Variants in MOV10L1 observed in about 807,000 individuals in gnomAD.
MOV10L1 encodes the protein Mov10 like RNA helicase 1, also known as RNA helicase Mov10l1.
MOV10L1 carries 110 observed loss-of-function variants against 143.8 expected under a neutral mutation model. The observed-to-expected ratio is 0.76, with a 90% CI of 0.66 to 0.90. MOV10L1 has a LOEUF of 0.90. MOV10L1 is among the 40% of genes least tolerant of loss of function. The pLI, the probability that MOV10L1 is intolerant of heterozygous loss-of-function variation, is 0.00. For missense variants in MOV10L1, 1,406 were observed against 1,526.8 expected, an observed-to-expected ratio of 0.92 and a Z score of 1.32; for synonymous variants, 593 against 581.1, an observed-to-expected ratio of 1.02 and a Z score of -0.29.
intron 13 of MOV10L1, among the ~76,000 whole-genome samples, chr22:50,133,113 C>T (rs1008684247): frequency 1.3e-5 from 2 of 151,748 alleles, no homozygotes; most frequent in Admixed American, 6.6e-5. Flanking sequence ...TGCCTTCCTG[C>T]GCTGGTTGGA....
Position 50,161,426 on chromosome 22 carries a change from G to A in MOV10L1, c.3613G>A (p.Glu1205Lys), listed in dbSNP as rs1422719233. The A allele has an allele frequency of 6.3e-7, 1 of 1,598,588 alleles. No homozygotes were observed. Among genetic ancestry groups the A allele is most frequent in the Non-Finnish European group, 8.5e-7 (1 of 1,172,710 alleles). The change falls in exon 27 of 27, where the codon GAG becomes AAG. Residue 1205 changes from glutamate to lysine, a missense_variant. Coordinates refer to ENST00000262794, the MANE Select transcript of MOV10L1 (RefSeq NM_018995.3). ...YPVVPESTGP[E>K]KHQEPS is the part of the protein sequence containing the mutation. ...AGTGGTGCCAGAATCCACAGGACCA[G>A]AGAAGCATCAGGAGCCCAGCTGATC...
In MOV10L1 at chr22:50,144,849, G is replaced by A. The variant is rs549645487; in HGVS notation, c.2505+606G>A. On this transcript the variant is annotated intron_variant, in intron 18 of 26. Transcript: ENST00000262794. Reference sequence around the variant, plus strand: ...GCCCGCCTCGGCCTCCCAAAGTGCTGGGATTACAGGCGTGAGCCACCGTGC... The same window carrying A: ...GCCCGCCTCGGCCTCCCAAAGTGCTAGGATTACAGGCGTGAGCCACCGTGC... Among the ~76,000 whole-genome samples, 289 of 152,266 alleles carry A rather than the reference G, an allele frequency of 1.9e-3. 1 individual carries two copies. Among genetic ancestry groups the A allele is most frequent in the African/African-American group, 6.5e-3 (272 of 41,540 alleles).
chr22:50,107,820 G>A (rs898185109), intron 3 of MOV10L1, among the ~76,000 whole-genome samples: 3 of 152,314 alleles, frequency 2.0e-5, no homozygotes, highest in South Asian at 2.1e-4. Flanking sequence ...CACAAACACT[G>A]CAGGACGGGG....
At position 50,153,208 on chromosome 22, in the gene MOV10L1, A is replaced by G. The variant is rs1474680297; in HGVS notation, c.3056A>G (p.His1019Arg). The G allele has an allele frequency of 2.5e-6, 4 of 1,613,476 alleles. No homozygotes were observed. Among genetic ancestry groups the G allele is most frequent in the Non-Finnish European group, 2.5e-6 (3 of 1,179,652 alleles). ...LPKKGFPLIF[H>R]GVRGSEAREG... ...AAGAAAGGCTTCCCTCTCATCTTCC[A>G]TGGTGTGCGGGTGAGTTGTGTCTTG... Residue 1019 changes from histidine to arginine, a missense_variant, in exon 22 of 27, where the codon CAT becomes CGT. Physicochemically the swap from His to Arg is conservative, Grantham distance 29. This residue lies in a region of MOV10L1 where 1,233 missense variants were observed against 1,351.4 expected (regional missense o/e 0.91). Coordinates refer to ENST00000262794, the MANE Select transcript of MOV10L1 (RefSeq NM_018995.3).
intron 15 of MOV10L1, among the ~76,000 whole-genome samples, chr22:50,140,565 A>T (rs957505006): frequency 1.5e-4 from 23 of 152,154 alleles, no homozygotes; most frequent in Non-Finnish European, 8.8e-5. Flanking sequence ...AGCTGAAAAA[A>T]ATATGTATCA....
At chr22:50,131,228 C>CT (rs750480277) in intron 13 of MOV10L1, among the ~76,000 whole-genome samples, 6 of 152,222 alleles carry the variant, frequency 3.9e-5, no homozygotes, top group Middle Eastern at 3.4e-3. Context: ...TTTTTATGTG[C>CT]TTTTTTGCCA....
intron 2 of MOV10L1, among the ~76,000 whole-genome samples, chr22:50,098,474 A>T (rs772448769): frequency 3.9e-5 from 6 of 152,198 alleles, no homozygotes; most frequent in Admixed American, 6.5e-5. Context: ...TATTAACCTA[A>T]CAGTGCTGTT....
At chr22:50,150,189 A>C in intron 20 of MOV10L1, among the ~76,000 whole-genome samples, 1 of 152,210 alleles carries the variant, frequency 6.6e-6, no homozygotes, top group Non-Finnish European at 1.5e-5. Context: ...TGGCTCATCC[A>C]GGCGAGCTCA....
intron 15 of MOV10L1, among the ~76,000 whole-genome samples, chr22:50,140,926 A>G (rs1569029384): frequency 6.6e-6 from 1 of 152,170 alleles, no homozygotes. Flanking sequence ...AATCTATCCT[A>G]TGAAAATAAT....
intron 3 of MOV10L1, among the ~76,000 whole-genome samples, chr22:50,107,205 G>T (rs149015425): frequency 0.032 from 4,882 of 151,618 alleles, 116 homozygotes; most frequent in Non-Finnish European, 0.05. Context: ...CTCCCGAGTA[G>T]CTGGGACTAC....
At chr22:50,129,233 C>T (rs1459243586) in intron 13 of MOV10L1, among the ~76,000 whole-genome samples, 3 of 152,148 alleles carry the variant, frequency 2.0e-5, no homozygotes, top group African/African-American at 7.2e-5. Flanking sequence ...CTCACTGTCA[C>T]CGTCAGCTAC....
At chr22:50,126,834 A>G (rs1305193248) in intron 12 of MOV10L1, among the ~76,000 whole-genome samples, 1 of 152,226 alleles carries the variant, frequency 6.6e-6, no homozygotes, top group Admixed American at 6.5e-5. Context: ...GGAGAATGCC[A>G]GAGCCTTTAC....
rs751024379 is a variant in MOV10L1, at chr22:50,159,665, A to C, written c.3217-13A>C. 1 of 1,531,386 alleles carries C rather than the reference A, an allele frequency of 6.5e-7. No homozygotes were observed. Among genetic ancestry groups the C allele is most frequent in the Non-Finnish European group, 9.0e-7 (1 of 1,110,986 alleles). 94.9% of individuals were successfully genotyped at this position (1,531,386 alleles called of 1,614,324 possible). A position where few individuals can be genotyped will look rare whatever the true frequency, so the allele number is the denominator to read the frequency against. On this transcript the variant is annotated splice_polypyrimidine_tract_variant and intron_variant, in intron 23 of 26. Coordinates refer to ENST00000262794, the MANE Select transcript of MOV10L1 (RefSeq NM_018995.3). This position sits in a 1 kb window ranked among gnomAD's most constrained non-coding sequence, Gnocchi z 4.1. ...AGTGTTATCTTTAGTCTTTCTTTTA[A>C]TCTGTTCTCAAGGTGGAGAAAATCA... is the stretch of plus-strand genomic sequence containing the variant.
intron 15 of MOV10L1, among the ~76,000 whole-genome samples, chr22:50,136,776 C>T (rs1418994428): frequency 6.6e-6 from 1 of 152,148 alleles, no homozygotes; most frequent in East Asian, 1.9e-4. Flanking sequence ...TTCAGCTGAG[C>T]ATTGATCAGT....
intron 13 of MOV10L1, among the ~76,000 whole-genome samples, chr22:50,129,179 T>C (rs13053657): frequency 0.22 from 34,156 of 151,914 alleles, 4,152 homozygotes; most frequent in Admixed American, 0.35. Context: ...TTTGCATGTG[T>C]ATTCTTTCCC....
intron 3 of MOV10L1, among the ~76,000 whole-genome samples, chr22:50,101,426 A>G (rs1283758736): frequency 1.3e-5 from 2 of 151,770 alleles, no homozygotes; most frequent in Non-Finnish European, 2.9e-5. Context: ...TGTGTTAGCC[A>G]GGATGGTCTC....
At chr22:50,151,510 C>T (rs1217153395) in intron 21 of MOV10L1, among the ~76,000 whole-genome samples, 1 of 152,224 alleles carries the variant, frequency 6.6e-6, no homozygotes, top group Non-Finnish European at 1.5e-5. Context: ...TCTTGGTTGT[C>T]AAGGGTAGGG....
chr22:50,141,839 C>T (rs80027789), intron 15 of MOV10L1, among the ~76,000 whole-genome samples: 3 of 152,128 alleles, frequency 2.0e-5, no homozygotes, highest in Admixed American at 2.0e-4. Flanking sequence ...TTGGTTTCAT[C>T]ACAAATTTTA....
chr22:50,140,325 G>A (rs1320195757), intron 15 of MOV10L1, among the ~76,000 whole-genome samples: 2 of 152,216 alleles, frequency 1.3e-5, no homozygotes, highest in Admixed American at 1.3e-4. Context: ...TGATTGTGCT[G>A]ATGGTTTTAT....
Sources: allele counts gnomAD v4.1 joint callset (sites outside exome capture counted in the v4.1 genomes callset), GRCh38; gene constraint gnomAD v4.1.1; regional missense constraint gnomAD v4.1.1; non-coding constraint Gnocchi (gnomAD v3.1); transcripts MANE v1.5; gene names NCBI Gene and HGNC (gene_info 2026-07-23, HGNC 2026-07-21).